Variants in KLHL29 observed in about 807,000 individuals in gnomAD.
The protein encoded by KLHL29 is kelch-like protein 29.
Under a neutral mutation model 80.4 loss-of-function variants are expected in KLHL29, and 21 were observed. The ratio of observed to expected loss-of-function variants is 0.26; its 90% CI spans 0.19 to 0.38. The LOEUF (loss-of-function observed/expected upper bound fraction) is 0.38, where lower values mean the gene tolerates loss of function less well. Among genes scored for constraint, KLHL29 ranks in the 10% least tolerant of loss-of-function variants. KLHL29 has a pLI of 1.00. For missense variants in KLHL29, 867 were observed against 1,223.9 expected (o/e 0.71, Z 4.35); for synonymous variants, 511 against 526.8 (o/e 0.97, Z 0.41).
chr2:23,438,859 T>G (rs1663424923), intron 1 of KLHL29, among the ~76,000 whole-genome samples: 1 of 151,786 alleles, frequency 6.6e-6, no homozygotes. Context: ...CTTTTTCTAT[T>G]GATTGGAATA....
chr2:23,393,450 G>A (rs1666370557), intron 1 of KLHL29, among the ~76,000 whole-genome samples: 1 of 152,194 alleles, frequency 6.6e-6, no homozygotes, highest in Non-Finnish European at 1.5e-5. Context: ...GCGCTTCTGA[G>A]CATCCGTGCC....
chr2:23,468,087 A>G (rs1037261672), intron 1 of KLHL29, among the ~76,000 whole-genome samples: 4 of 152,116 alleles, frequency 2.6e-5, no homozygotes, highest in Non-Finnish European at 5.9e-5. Flanking sequence ...TTTCTTTCTT[A>G]TGGTAGAACA....
At chr2:23,604,040 A>G (rs1366465944) in intron 3 of KLHL29, among the ~76,000 whole-genome samples, 1 of 152,220 alleles carries the variant, frequency 6.6e-6, no homozygotes, top group African/African-American at 2.4e-5. Flanking sequence ...TTCAGTGCTC[A>G]GGGTCTGGGG....
At chr2:23,558,066 T>C (rs1667343938) in intron 2 of KLHL29, among the ~76,000 whole-genome samples, 1 of 152,122 alleles carries the variant, frequency 6.6e-6, no homozygotes, top group Non-Finnish European at 1.5e-5. Flanking sequence ...AAGGGCCAGG[T>C]CTGGAAGTGG....
At chr2:23,619,010 C>G (rs1021390455) in intron 3 of KLHL29, among the ~76,000 whole-genome samples, 3 of 152,204 alleles carry the variant, frequency 2.0e-5, no homozygotes, top group African/African-American at 7.2e-5. Context: ...GCTGGTCCTT[C>G]CCCTCCAGGG....
chr2:23,505,268 G>A (rs1665565555), intron 2 of KLHL29, among the ~76,000 whole-genome samples: 1 of 152,192 alleles, frequency 6.6e-6, no homozygotes, highest in Non-Finnish European at 1.5e-5. Flanking sequence ...GAGGAGACAG[G>A]CCTTGTCCTG....
At chr2:23,475,306 C>CT (rs1406332382) in intron 1 of KLHL29, among the ~76,000 whole-genome samples, 1 of 142,788 alleles carries the variant, frequency 7.0e-6, no homozygotes, top group Non-Finnish European at 1.5e-5. Context: ...ATCTGCCACT[C>CT]GGAGTACTCT....
At chr2:23,610,396 C>G (rs1314347264) in intron 3 of KLHL29, among the ~76,000 whole-genome samples, 1 of 152,186 alleles carries the variant, frequency 6.6e-6, no homozygotes, top group Non-Finnish European at 1.5e-5. Context: ...TGAGAAGTTT[C>G]ATGGACATTT....
chr2:23,649,232 C>A (rs933831915), intron 5 of KLHL29, among the ~76,000 whole-genome samples: 27 of 152,176 alleles, frequency 1.8e-4, no homozygotes, highest in African/African-American at 5.5e-4. Flanking sequence ...ACTTTCCAGC[C>A]CCCACTCCTG....
At chr2:23,551,332 C>T (rs369323573) in intron 2 of KLHL29, among the ~76,000 whole-genome samples, 1 of 152,004 alleles carries the variant, frequency 6.6e-6, no homozygotes, top group African/African-American at 2.4e-5. Flanking sequence ...GTCTCTGAAT[C>T]GTGTGTGCTT....
At chr2:23,441,336 G>C (rs953559540) in intron 1 of KLHL29, among the ~76,000 whole-genome samples, 16 of 116,872 alleles carry the variant, frequency 1.4e-4, no homozygotes, top group Non-Finnish European at 2.7e-4. Flanking sequence ...TGGCGGGGTG[G>C]GGGGAGGGGG....
At position 23,483,654 on chromosome 2, in the gene KLHL29, GT is replaced by G. The variant is rs1664856249; in HGVS notation, c.-46+7991del. On this transcript the variant is annotated intron_variant, in intron 2 of 13. Coordinates refer to ENST00000486442, the MANE Select transcript of KLHL29 (RefSeq NM_052920.2). ...ACCTAGTGCTTTTAGGTTGCAAAGT[GT>G]TTTCATAGCTTCCTCTCCTGGATCA... is the stretch of plus-strand genomic sequence containing the variant. 7.2e-5 allele frequency among the ~76,000 whole-genome samples: 11 copies of G among 152,324 alleles called. No homozygotes were observed. The South Asian group carries it at 2.3e-3, about 32-fold the overall frequency.
At chr2:23,513,479 G>A (rs567739327) in intron 2 of KLHL29, among the ~76,000 whole-genome samples, 74 of 152,290 alleles carry the variant, frequency 4.9e-4, no homozygotes, top group African/African-American at 1.5e-3. Flanking sequence ...AGGGACCGCC[G>A]CTTCTGCTAG....
chr2:23,675,162 A>G (rs1429518938), intron 5 of KLHL29, among the ~76,000 whole-genome samples: 33 of 152,146 alleles, frequency 2.2e-4, no homozygotes, highest in Non-Finnish European at 4.4e-5. Flanking sequence ...CCCGCTCGGA[A>G]TATTCCCATC....
Position 23,696,506 on chromosome 2 carries a change from G to A in KLHL29, c.2098G>A (p.Val700Met), listed in dbSNP as rs17851311. ...GLGVAGNVDH[V>M]ERYDTITNQW... is the part of the protein sequence containing the mutation. ...TGGCGTGGCAGGCAACGTGGACCACGTGGAGAGGTAATGAGGCCACGGTCA... is the reference window on the plus strand; with the variant it reads ...TGGCGTGGCAGGCAACGTGGACCACATGGAGAGGTAATGAGGCCACGGTCA... The change falls in exon 11 of 14, where the codon GTG (valine) becomes ATG (methionine). Residue 700 changes from valine to methionine, a missense_variant. Transcript: ENST00000486442. This position sits in a 1 kb window ranked among gnomAD's most constrained non-coding sequence, Gnocchi z 5.5. 1 of 1,524,140 alleles carries A rather than the reference G, an allele frequency of 6.6e-7. No homozygotes were observed. The highest frequency in any genetic ancestry group is 1.3e-5 in the South Asian group (1 of 77,668). The allele number at this position is 1,524,140 out of a possible 1,614,324, so 94.4% of individuals were successfully genotyped here. A position where few individuals can be genotyped will look rare whatever the true frequency, so the allele number is the denominator to read the frequency against.
intron 1 of KLHL29, among the ~76,000 whole-genome samples, chr2:23,456,706 G>A (rs1340061522): frequency 6.6e-6 from 1 of 152,242 alleles, no homozygotes; most frequent in Non-Finnish European, 1.5e-5. Context: ...TATCGCTGCT[G>A]TGGGAATTTT....
At chr2:23,671,154 T>A (rs1377321551) in intron 5 of KLHL29, among the ~76,000 whole-genome samples, 1 of 151,654 alleles carries the variant, frequency 6.6e-6, no homozygotes, top group Non-Finnish European at 1.5e-5. Context: ...CTAAACTGAT[T>A]GTACTCCTGG....
In KLHL29 at chr2:23,691,810, A is replaced by G. The variant is rs1288117486; in HGVS notation, c.1216A>G (p.Thr406Ala). ...GGTCATCGACTCGGCCAACGCCAAG[A>G]CACTGCTGGAGGCGGCCAGCAAGTT... is the stretch of plus-strand genomic sequence containing the variant. ...SLVIDSANAKTLLEAASKFQF... is the reference protein window; with the variant it reads ...SLVIDSANAKALLEAASKFQF... Residue 406 changes from threonine to alanine, a missense_variant, in exon 7 of 14, where the codon ACA becomes GCA. Around this residue, in one of 2 missense-constraint regions of KLHL29, gnomAD observed 443 missense variants for 767.0 expected, o/e 0.58. Coordinates refer to ENST00000486442, the MANE Select transcript of KLHL29 (RefSeq NM_052920.2). 3.9e-6 allele frequency: 6 copies of G among 1,551,366 alleles called. No individual in the cohort carries two copies. Among genetic ancestry groups the G allele is most frequent in the Non-Finnish European group, 5.2e-6 (6 of 1,147,008 alleles).
chr2:23,627,070 G>A (rs1486234594), intron 3 of KLHL29, among the ~76,000 whole-genome samples: 3 of 152,146 alleles, frequency 2.0e-5, no homozygotes, highest in African/African-American at 4.8e-5. Flanking sequence ...CGCTCCTGGG[G>A]AAGGGAAGTA....
Sources: gnomAD v4.1 joint callset for allele counts (sites outside exome capture counted in the v4.1 genomes callset) on GRCh38, gnomAD v4.1.1 for gene constraint, gnomAD v4.1.1 regional missense constraint, Gnocchi (gnomAD v3.1) non-coding constraint, MANE v1.5 for transcripts, NCBI Gene and HGNC (gene_info 2026-07-23, HGNC 2026-07-21) for gene names.